Variants in PKHD1 observed in about 807,000 individuals in gnomAD.
The protein encoded by PKHD1 is PKHD1 ciliary IPT domain containing fibrocystin/polyductin.
PKHD1 carries 291 observed loss-of-function variants against 412.0 expected under a neutral mutation model. The observed-to-expected ratio is 0.71, with a 90% confidence interval of 0.64 to 0.78. The LOEUF (loss-of-function observed/expected upper bound fraction) is 0.78, where lower values mean the gene tolerates loss of function less well. PKHD1 is among the 30% of genes least tolerant of loss of function. The pLI is 0.00. For missense variants in PKHD1, 4,825 were observed against 4,950.7 expected (o/e 0.97, Z 0.76); for synonymous variants, 1,777 against 1,821.5 (o/e 0.98, Z 0.62).
intron 43 of PKHD1, among the ~76,000 whole-genome samples, chr6:51,901,480 T>C (rs1214134371): frequency 6.8e-6 from 1 of 147,480 alleles, no homozygotes; most frequent in African/African-American, 2.5e-5. Context: ...TGAGATCACA[T>C]GGACACAGGA....
chr6:51,717,482 A>G (rs1225522738), intron 60 of PKHD1, among the ~76,000 whole-genome samples: 3 of 152,156 alleles, frequency 2.0e-5, no homozygotes, highest in Non-Finnish European at 4.4e-5. Context: ...ATTTTATAAT[A>G]CTATATTTAC....
At chr6:51,820,602 CA>C (rs1766235455) in intron 52 of PKHD1, among the ~76,000 whole-genome samples, 1 of 152,068 alleles carries the variant, frequency 6.6e-6, no homozygotes, top group Non-Finnish European at 1.5e-5. Flanking sequence ...TTTTATGTAT[CA>C]AAAAAATTAT....
chr6:51,627,195 T>G (rs1767361689), intron 65 of PKHD1, 79 bp from the exon 66 acceptor site: 1 of 1,314,958 alleles, frequency 7.6e-7, no homozygotes, highest in Middle Eastern at 1.8e-4. Context: ...TTCCCTTGTA[T>G]GTACCCTTGT....
chr6:51,766,997 C>G (rs1226295851), intron 55 of PKHD1, among the ~76,000 whole-genome samples: 1 of 151,894 alleles, frequency 6.6e-6, no homozygotes, highest in African/African-American at 2.4e-5. Context: ...AACTTTTTTA[C>G]ATTTTGTTTT....
At chr6:52,085,093 G>A (rs1216828424) in intron 1 of PKHD1, 76 bp from the exon 2 acceptor site, 2 of 631,486 alleles carry the variant, frequency 3.2e-6, no homozygotes, top group African/African-American at 3.7e-5. Context: ...CTGAAACCTG[G>A]GAAATTAAGG....
intron 43 of PKHD1, among the ~76,000 whole-genome samples, chr6:51,896,271 A>G (rs988366612): frequency 2.0e-5 from 3 of 151,978 alleles, no homozygotes; most frequent in African/African-American, 7.3e-5. Context: ...CCTGTCTGAC[A>G]GCTTTGAAGA....
chr6:51,693,932 C>A (rs1778471169), intron 60 of PKHD1, among the ~76,000 whole-genome samples: 1 of 152,118 alleles, frequency 6.6e-6, no homozygotes, highest in Non-Finnish European at 1.5e-5. Flanking sequence ...AAGTAGCTTG[C>A]AGAAAGTGAA....
intron 60 of PKHD1, among the ~76,000 whole-genome samples, chr6:51,668,890 T>C (rs537661865): frequency 1.6e-4 from 24 of 152,374 alleles, no homozygotes; most frequent in Non-Finnish European, 2.8e-4. Context: ...ATCCCAGGGA[T>C]GAAGTCCACT....
At chr6:51,965,163 C>A (rs1040973699) in intron 35 of PKHD1, among the ~76,000 whole-genome samples, 1 of 152,070 alleles carries the variant, frequency 6.6e-6, no homozygotes, top group Non-Finnish European at 1.5e-5. Flanking sequence ...TAAATGTGAC[C>A]TCATCCTTGT....
chr6:51,783,015 G>A (rs9474070), intron 53 of PKHD1, among the ~76,000 whole-genome samples: 114,310 of 152,024 alleles, frequency 0.75, 43,204 homozygotes, highest in East Asian at 0.97. Context: ...CTAGTACTTC[G>A]TTTCCTGACA....
chr6:52,035,979 C>G (rs1245750612), intron 27 of PKHD1, among the ~76,000 whole-genome samples: 1 of 152,214 alleles, frequency 6.6e-6, no homozygotes, highest in Admixed American at 6.5e-5. Flanking sequence ...GGAACACAAT[C>G]GTGCCACAAG....
chr6:51,900,440 A>G (rs994982821), intron 43 of PKHD1, among the ~76,000 whole-genome samples: 1 of 152,232 alleles, frequency 6.6e-6, no homozygotes, highest in Non-Finnish European at 1.5e-5. Flanking sequence ...CTATTTAATA[A>G]ATGGTGCTGG....
At chr6:51,900,257 C>A (rs1781011568) in intron 43 of PKHD1, among the ~76,000 whole-genome samples, 1 of 152,198 alleles carries the variant, frequency 6.6e-6, no homozygotes, top group South Asian at 2.1e-4. Context: ...ATCACCCTAC[C>A]TGACTTCAAA....
At chr6:51,963,616 A>T (rs1792384474) in intron 35 of PKHD1, among the ~76,000 whole-genome samples, 1 of 152,094 alleles carries the variant, frequency 6.6e-6, no homozygotes, top group South Asian at 2.1e-4. Context: ...TTTTCAGTTA[A>T]CAGAGCTGGT....
At chr6:51,848,759 G>C (rs990954115) in intron 49 of PKHD1, among the ~76,000 whole-genome samples, 3 of 152,112 alleles carry the variant, frequency 2.0e-5, no homozygotes, top group Non-Finnish European at 4.4e-5. Context: ...GTCTCCCTAA[G>C]ATAGGCTCTC....
intron 36 of PKHD1, among the ~76,000 whole-genome samples, chr6:51,940,442 C>G (rs1169864392): frequency 1.3e-5 from 2 of 151,722 alleles, no homozygotes; most frequent in Admixed American, 6.6e-5. Flanking sequence ...CCTCCTCCCC[C>G]AGGAGCTTAC....
chr6:51,808,640 ACTT>A (rs1372032088), intron 52 of PKHD1, among the ~76,000 whole-genome samples: 3 of 152,068 alleles, frequency 2.0e-5, no homozygotes, highest in African/African-American at 4.8e-5. Context: ...AGCTGTGCAG[ACTT>A]CTTATTTGAC....
intron 35 of PKHD1, among the ~76,000 whole-genome samples, chr6:51,961,438 C>T (rs908798735): frequency 6.6e-6 from 1 of 152,016 alleles, no homozygotes; most frequent in African/African-American, 2.4e-5. Flanking sequence ...TAGTGATAAC[C>T]AGTTCCAGTA....
rs770105585 is a variant in PKHD1 at position 51,659,833 on chromosome 6, T to A, written c.10293A>T (p.Val3431=). 6.2e-7 allele frequency: 1 copy of A among 1,613,752 alleles called. No individual in the cohort carries two copies. The highest frequency in any genetic ancestry group is 1.7e-5 in the Admixed American group (1 of 59,930). The change falls in exon 61 of 67, where the codon GTA becomes GTT. Residue 3431 remains valine, a synonymous_variant. Transcript: ENST00000371117. The stretch of plus-strand genomic sequence containing the variant: ...CATCAACAAAACCACTAGTCACAGA[T>A]ACAACTGGATATAACTTCTGAATTG... ...IWAIQKLYPV[V]SVTSGFVDVF...
Sources: gnomAD v4.1 joint callset for allele counts (sites outside exome capture counted in the v4.1 genomes callset) on GRCh38, gnomAD v4.1.1 for gene constraint, MANE v1.5 for transcripts, NCBI Gene and HGNC (gene_info 2026-07-23, HGNC 2026-07-21) for gene names.